Variants in IFNLR1 observed in about 807,000 individuals in gnomAD.
The protein encoded by IFNLR1 is CRF2-12.
Under a neutral mutation model 52.5 loss-of-function variants are expected in IFNLR1, and 28 were observed. The ratio of observed to expected loss-of-function variants is 0.53; its 90% CI spans 0.40 to 0.73. The LOEUF (loss-of-function observed/expected upper bound fraction) is 0.73. Among genes scored for constraint, IFNLR1 ranks in the 30% least tolerant of loss-of-function variants. The pLI is 0.00. For missense variants in IFNLR1, 623 were observed against 659.1 expected (o/e 0.95, Z 0.60); for synonymous variants, 276 against 274.9 (o/e 1.00, Z -0.04).
intron 3 of IFNLR1, among the ~76,000 whole-genome samples, chr1:24,163,396 G>A (rs966073193): frequency 1.3e-5 from 2 of 152,086 alleles, no homozygotes; most frequent in Non-Finnish European, 2.9e-5. Context: ...AATGTCAACA[G>A]GAGTTTTAGA....
In IFNLR1 at chr1:24,154,233, A is replaced by T. The variant is rs1231404053; in HGVS notation, c.*2897T>A. Reference sequence around the variant, plus strand: ...GGGTAATACCAACAAGCAGTAGGATATCGTTTAAATATGACATAAACATAG... The same window carrying T: ...GGGTAATACCAACAAGCAGTAGGATTTCGTTTAAATATGACATAAACATAG... On this transcript the variant is annotated 3_prime_UTR_variant, in exon 7 of 7. Transcript: ENST00000327535. 2.0e-5 allele frequency: 3 copies of T among 152,238 alleles called. No homozygotes were observed. The highest frequency in any genetic ancestry group is 4.4e-5 in the Non-Finnish European group (3 of 68,036). 9.4% of individuals were successfully genotyped at this position (152,238 alleles called of 1,614,324 possible).
chr1:24,161,875 T>C (rs189367821), intron 3 of IFNLR1, among the ~76,000 whole-genome samples, 191 bp from the exon 4 acceptor site: 3 of 152,282 alleles, frequency 2.0e-5, no homozygotes, highest in Admixed American at 2.0e-4. Flanking sequence ...ACTACTCTCA[T>C]TTCATAGAGA....
chr1:24,176,414 C>T (rs1001638693), intron 2 of IFNLR1, among the ~76,000 whole-genome samples: 1 of 152,148 alleles, frequency 6.6e-6, no homozygotes, highest in African/African-American at 2.4e-5. Flanking sequence ...GTGGTGGGTA[C>T]GTGGGTGCCC....
chr1:24,156,999 G>T lies in IFNLR1; in HGVS notation c.*131C>A. ...CCCGACAGGCAAACAGCCGCTAGGT[G>T]GACTTCCCGGAAGTGCAATGCCCCT... On this transcript the variant is annotated 3_prime_UTR_variant, in exon 7 of 7. Coordinates refer to ENST00000327535, the MANE Select transcript of IFNLR1 (RefSeq NM_170743.4). 1 of 1,028,016 alleles carries T rather than the reference G, an allele frequency of 9.7e-7. No individual in the cohort carries two copies. The highest frequency in any genetic ancestry group is 1.4e-6 in the Non-Finnish European group (1 of 700,242). 63.7% of individuals were successfully genotyped at this position (1,028,016 alleles called of 1,614,324 possible).
intron 2 of IFNLR1, among the ~76,000 whole-genome samples, chr1:24,174,018 T>C (rs1023768962): frequency 1.3e-5 from 2 of 152,144 alleles, no homozygotes; most frequent in Admixed American, 6.5e-5. Context: ...CCCAGTGGTA[T>C]TGTGTTTTGA....
chr1:24,162,792 CTTTCTTTCTTTT>C (rs1557644011), intron 3 of IFNLR1, among the ~76,000 whole-genome samples: 4 of 63,422 alleles, frequency 6.3e-5, no homozygotes, highest in African/African-American at 2.5e-4. Flanking sequence ...CTTTCTTTTT[CTTTCTTTCTTTT>C]TTCTTTCTTT....
chr1:24,173,932 A>G (rs1307060825), intron 2 of IFNLR1, among the ~76,000 whole-genome samples: 1 of 152,222 alleles, frequency 6.6e-6, no homozygotes, highest in Non-Finnish European at 1.5e-5. Context: ...ATGAATGTTC[A>G]CAGCAGCTTA....
chr1:24,157,825 A>G lies in IFNLR1; in HGVS notation c.868T>C (p.Leu290=). ...QPSRPESVND[L]FLCPQKELTR... Reference sequence around the variant, plus strand: ...AGTTCCTTTTGGGGACAGAGGAACAAGTCATTCACGGACTCTGGTCTGCTG... The same window carrying G: ...AGTTCCTTTTGGGGACAGAGGAACAGGTCATTCACGGACTCTGGTCTGCTG... The change falls in exon 7 of 7, where the codon TTG becomes CTG. Residue 290 remains leucine, a synonymous_variant. Transcript: ENST00000327535. This position sits in a 1 kb window ranked among gnomAD's most constrained non-coding sequence, Gnocchi z 5.1. The G allele has an allele frequency of 6.2e-7, 1 of 1,613,708 alleles. No individual in the cohort carries two copies. Among genetic ancestry groups the G allele is most frequent in the Non-Finnish European group, 8.5e-7 (1 of 1,179,852 alleles).
chr1:24,171,439 C>T (rs1407755500), intron 2 of IFNLR1, among the ~76,000 whole-genome samples: 1 of 152,130 alleles, frequency 6.6e-6, no homozygotes, highest in Non-Finnish European at 1.5e-5. Context: ...GCAAAACATT[C>T]AGTTAAAAGT....
intron 2 of IFNLR1, among the ~76,000 whole-genome samples, chr1:24,174,062 T>C (rs1246162221): frequency 1.3e-5 from 2 of 152,090 alleles, no homozygotes; most frequent in African/African-American, 4.8e-5. Context: ...TATGGTTAAA[T>C]GAAGTAATAA....
intron 3 of IFNLR1, 124 bp downstream of exon 3, chr1:24,169,293 G>A: frequency 1.1e-6 from 1 of 871,780 alleles, no homozygotes; most frequent in African/African-American, 1.7e-5. Flanking sequence ...CTGGCCCAGG[G>A]AGCTGCCCTC....
chr1:24,170,448 C>T (rs528667991), intron 2 of IFNLR1, among the ~76,000 whole-genome samples: 1 of 152,268 alleles, frequency 6.6e-6, no homozygotes, highest in South Asian at 2.1e-4. Flanking sequence ...GCAACCTCCG[C>T]CTCCTGGGTT....
At position 24,163,673 on chromosome 1, in the gene IFNLR1, G is replaced by A. The variant is rs749944497; in HGVS notation, c.368-1989C>T. Among the ~76,000 whole-genome samples, 17 of 151,678 alleles carry A rather than the reference G, an allele frequency of 1.1e-4. No homozygotes were observed. In the Middle Eastern group the frequency reaches 0.01, roughly 91 times the overall value. On this transcript the variant is annotated intron_variant, in intron 3 of 6. Coordinates refer to ENST00000327535, the MANE Select transcript of IFNLR1 (RefSeq NM_170743.4). Reference sequence around the variant, plus strand: ...CGGCTCACCGCAACCTCTGCCTCCCGGGTTCAAGCGATTCTACTGCCTCAG... The same window carrying A: ...CGGCTCACCGCAACCTCTGCCTCCCAGGTTCAAGCGATTCTACTGCCTCAG...
rs1489705731 is a variant in IFNLR1 at position 24,155,271 on chromosome 1, G to A, written c.*1859C>T. On this transcript the variant is annotated 3_prime_UTR_variant, in exon 7 of 7. Transcript: ENST00000327535. ...AGGCCTCCTGACCCTTAGAAATCCTGGCTGTGACCTTCATATTTTACTGAC... is the reference window on the plus strand; with the variant it reads ...AGGCCTCCTGACCCTTAGAAATCCTAGCTGTGACCTTCATATTTTACTGAC... The A allele has an allele frequency of 6.6e-6, 1 of 152,286 alleles. No individual in the cohort carries two copies. Among genetic ancestry groups the A allele is most frequent in the Non-Finnish European group, 1.5e-5 (1 of 68,134 alleles). The allele number at this position is 152,286 out of a possible 1,614,324, so 9.4% of individuals were successfully genotyped here.
intron 3 of IFNLR1, among the ~76,000 whole-genome samples, chr1:24,166,355 C>T (rs975725900): frequency 6.6e-6 from 1 of 152,074 alleles, no homozygotes; most frequent in African/African-American, 2.4e-5. Flanking sequence ...ATCCATTCTT[C>T]CCATACATCC....
Position 24,154,591 on chromosome 1 carries a change from A to G in IFNLR1, c.*2539T>C, listed in dbSNP as rs937988606. ...AGCTATGTCAGAAATTAAACTCTGG[A>G]AAAAATTCTTTAAAAAAATAGTAAG... is the stretch of plus-strand genomic sequence containing the variant. On this transcript the variant is annotated 3_prime_UTR_variant, in exon 7 of 7. Coordinates refer to ENST00000327535, the MANE Select transcript of IFNLR1 (RefSeq NM_170743.4). 1 of 152,246 alleles carries G rather than the reference A, an allele frequency of 6.6e-6. No homozygotes were observed. The highest frequency in any genetic ancestry group is 1.5e-5 in the Non-Finnish European group (1 of 68,052). 9.4% of individuals were successfully genotyped at this position (152,246 alleles called of 1,614,324 possible). A position where few individuals can be genotyped will look rare whatever the true frequency, so the allele number is the denominator to read the frequency against.
At chr1:24,183,713 A>G (rs1194318880) in intron 1 of IFNLR1, among the ~76,000 whole-genome samples, 1 of 152,160 alleles carries the variant, frequency 6.6e-6, no homozygotes, top group Non-Finnish European at 1.5e-5. Flanking sequence ...CACTCCAGGT[A>G]AACTCAAAAG....
chr1:24,157,662 A>G lies in IFNLR1; in HGVS notation c.1031T>C (p.Ile344Thr), dbSNP rs1204923038. The G allele has an allele frequency of 3.7e-6, 6 of 1,611,870 alleles. No homozygotes were observed. Among genetic ancestry groups the G allele is most frequent in the Admixed American group, 1.7e-5 (1 of 59,772 alleles). ...TTGCCCCAGGAAAGAAGGTGGTTCA[A>G]TGTAGGGCTGGAAGCTGACGCCATC... ...TEDGVSFQPY[I>T]EPPSFLGQEH... Residue 344 changes from isoleucine (I) to threonine (T), a missense_variant, in exon 7 of 7, where the codon ATT (isoleucine) becomes ACT (threonine). Coordinates refer to ENST00000327535, the MANE Select transcript of IFNLR1 (RefSeq NM_170743.4). This position sits in a 1 kb window ranked among gnomAD's most constrained non-coding sequence, Gnocchi z 5.1.
intron 2 of IFNLR1, among the ~76,000 whole-genome samples, chr1:24,172,623 A>G (rs936258246): frequency 1.3e-5 from 2 of 152,240 alleles, no homozygotes; most frequent in African/African-American, 4.8e-5. Context: ...TAGAACTTCC[A>G]GAAGAAAGCA....
Sources: gnomAD v4.1 joint callset for allele counts (sites outside exome capture counted in the v4.1 genomes callset) on GRCh38, gnomAD v4.1.1 for gene constraint, Gnocchi (gnomAD v3.1) non-coding constraint, MANE v1.5 for transcripts, NCBI Gene and HGNC (gene_info 2026-07-23, HGNC 2026-07-21) for gene names.